ITPRID1: variants seen among roughly 807,000 people sequenced by gnomAD.
The protein encoded by ITPRID1 is ITPR interacting domain containing 1.
A neutral mutation model predicts 95.4 loss-of-function variants in ITPRID1; 96 were observed. That is an observed-to-expected ratio of 1.01 (90% CI 0.85 to 1.19). The LOEUF (loss-of-function observed/expected upper bound fraction) is 1.19, where lower values mean the gene tolerates loss of function less well. ITPRID1 is among the 50% of genes most tolerant of loss of function. The pLI is 0.00. For missense variants in ITPRID1, 1,339 were observed against 1,252.9 expected (o/e 1.07, Z -1.04); for synonymous variants, 510 against 453.6 (o/e 1.12, Z -1.58).
intron 10 of ITPRID1, among the ~76,000 whole-genome samples, chr7:31,633,189 C>T (rs1789173094): frequency 6.6e-6 from 1 of 152,124 alleles, no homozygotes; most frequent in Admixed American, 6.5e-5. Flanking sequence ...CCGGCCAGGT[C>T]TGGGGAGATT....
intron 9 of ITPRID1, 44 bp downstream of exon 9, chr7:31,578,478 T>G (rs369315252): frequency 1.4e-6 from 2 of 1,427,396 alleles, no homozygotes; most frequent in African/African-American, 2.9e-5. Context: ...GGAAATAACC[T>G]TCACTATGAC....
Position 31,654,409 on chromosome 7 carries a change from A to C in ITPRID1, c.*1580A>C, listed in dbSNP as rs531455566. ...CTATAGGCCATGACCAAGTCTTTGCATCTGAATCCTTTTTCCAAGGGTAAT... is the reference window on the plus strand; with the variant it reads ...CTATAGGCCATGACCAAGTCTTTGCCTCTGAATCCTTTTTCCAAGGGTAAT... On this transcript the variant is annotated 3_prime_UTR_variant, in exon 15 of 15. Coordinates refer to ENST00000615280, the MANE Select transcript of ITPRID1 (RefSeq NM_001257967.3). Among the ~76,000 whole-genome samples, 4 of 152,336 alleles carry C rather than the reference A, an allele frequency of 2.6e-5. No homozygotes were observed. The highest frequency in any genetic ancestry group is 6.5e-5 in the Admixed American group (1 of 15,308).
At chr7:31,515,118 C>T (rs1157111661) in intron 1 of ITPRID1, among the ~76,000 whole-genome samples, 1 of 151,854 alleles carries the variant, frequency 6.6e-6, no homozygotes, top group African/African-American at 2.4e-5. Flanking sequence ...CCTAACTCCT[C>T]TAAGGCAAGA....
At chr7:31,556,486 C>T (rs1303915380) in intron 5 of ITPRID1, among the ~76,000 whole-genome samples, 2 of 152,134 alleles carry the variant, frequency 1.3e-5, no homozygotes, top group Non-Finnish European at 2.9e-5. Context: ...TGGTTAGAGG[C>T]AGGTGGAGGA....
intron 1 of ITPRID1, among the ~76,000 whole-genome samples, chr7:31,527,966 GT>G (rs1399996159): frequency 6.6e-6 from 1 of 152,064 alleles, no homozygotes; most frequent in Non-Finnish European, 1.5e-5. Flanking sequence ...ATCACCCATT[GT>G]TTCATGGACC....
chr7:31,657,766 T>C (rs1254264609), downstream of ITPRID1, among the ~76,000 whole-genome samples: 1 of 152,214 alleles, frequency 6.6e-6, no homozygotes, highest in Admixed American at 6.5e-5. Context: ...AATGGTATCA[T>C]TGTACTAAAT....
intron 1 of ITPRID1, among the ~76,000 whole-genome samples, chr7:31,526,865 T>C (rs1783438630): frequency 6.6e-6 from 1 of 152,186 alleles, no homozygotes; most frequent in Non-Finnish European, 1.5e-5. Context: ...TTGCTTCCAT[T>C]CATTCCATTC....
intron 7 of ITPRID1, among the ~76,000 whole-genome samples, chr7:31,572,417 C>T (rs1424011282): frequency 1.3e-5 from 2 of 152,058 alleles, no homozygotes; most frequent in Non-Finnish European, 2.9e-5. Flanking sequence ...TTGGCCAGTT[C>T]ATTTTACAGA....
At chr7:31,517,334 T>C (rs574552796) in intron 1 of ITPRID1, 1 of 152,504 alleles carries the variant, frequency 6.6e-6, no homozygotes, top group African/African-American at 2.4e-5. Context: ...TACAAACCTT[T>C]AGCTAGACGG....
In ITPRID1 at chr7:31,610,127, C is replaced by T. The variant is rs1786800122; in HGVS notation, c.1228+26936C>T. Among the ~76,000 whole-genome samples, 6 of 151,636 alleles carry T rather than the reference C, an allele frequency of 4.0e-5. No individual in the cohort carries two copies. In the South Asian group the frequency reaches 1.2e-3, roughly 31 times the overall value. On this transcript the variant is annotated intron_variant, in intron 10 of 14. Transcript: ENST00000615280. ...ATTTCTAATCTCATTCTGCTGCAGTCAGAAATGTTATTTTGTATGATTTCA... is the reference window on the plus strand; with the variant it reads ...ATTTCTAATCTCATTCTGCTGCAGTTAGAAATGTTATTTTGTATGATTTCA...
At chr7:31,623,780 G>T (rs1466409492) in intron 10 of ITPRID1, among the ~76,000 whole-genome samples, 1 of 151,600 alleles carries the variant, frequency 6.6e-6, no homozygotes, top group Non-Finnish European at 1.5e-5. Flanking sequence ...GGGCAATTAG[G>T]CAGGAGAAGG....
intron 5 of ITPRID1, among the ~76,000 whole-genome samples, chr7:31,569,056 G>C (rs1430623796): frequency 6.6e-6 from 1 of 152,184 alleles, no homozygotes; most frequent in Non-Finnish European, 1.5e-5. Flanking sequence ...CACTAAGTTA[G>C]TGCTAAATAG....
intron 10 of ITPRID1, among the ~76,000 whole-genome samples, chr7:31,631,617 G>A (rs1789005026): frequency 6.6e-6 from 1 of 152,128 alleles, no homozygotes; most frequent in Admixed American, 6.6e-5. Flanking sequence ...AATGATGAAG[G>A]AAGGTTATTT....
chr7:31,597,946 A>G (rs1477738931), intron 10 of ITPRID1, among the ~76,000 whole-genome samples: 1 of 152,210 alleles, frequency 6.6e-6, no homozygotes, highest in African/African-American at 2.4e-5. Context: ...AATGAAATAA[A>G]CAGCTCAGAA....
chr7:31,617,438 C>T (rs964197810), intron 10 of ITPRID1, among the ~76,000 whole-genome samples: 1 of 152,010 alleles, frequency 6.6e-6, no homozygotes, highest in Non-Finnish European at 1.5e-5. Context: ...CAAATCTCCC[C>T]AACAGTTTAA....
intron 10 of ITPRID1, among the ~76,000 whole-genome samples, chr7:31,609,254 A>G (rs1786760706): frequency 6.6e-6 from 1 of 151,764 alleles, no homozygotes; most frequent in African/African-American, 2.4e-5. Context: ...TTTTACATCT[A>G]TATTCACAAG....
chr7:31,529,682 T>C (rs1783531931), intron 1 of ITPRID1: 1 of 1,170,226 alleles, frequency 8.5e-7, no homozygotes, highest in Non-Finnish European at 1.2e-6. Flanking sequence ...GTCATAGTTC[T>C]GCAGTCACAA....
rs560557647 is a variant in ITPRID1 at position 31,651,886 on chromosome 7, T to G, written c.2712-53T>G. On this transcript the variant is annotated intron_variant, in intron 13 of 14. Coordinates refer to ENST00000615280, the MANE Select transcript of ITPRID1 (RefSeq NM_001257967.3). Reference sequence around the variant, plus strand: ...TATATTATGAGGTGACAATGGAAGATTGCACCTGGGAAGGATTGTTAAATT... The same window carrying G: ...TATATTATGAGGTGACAATGGAAGAGTGCACCTGGGAAGGATTGTTAAATT... 1.2e-5 allele frequency: 16 copies of G among 1,294,490 alleles called. No individual in the cohort carries two copies. The African/African-American group carries it at 1.3e-4, about 11-fold the overall frequency. The allele number at this position is 1,294,490 out of a possible 1,614,324, so 80.2% of individuals were successfully genotyped here.
intron 10 of ITPRID1, among the ~76,000 whole-genome samples, chr7:31,622,841 C>A (rs911028901): frequency 6.6e-6 from 1 of 151,972 alleles, no homozygotes. Context: ...AAATGATCAA[C>A]AAAATTGATA....
Sources: allele counts gnomAD v4.1 joint callset (sites outside exome capture counted in the v4.1 genomes callset), GRCh38; gene constraint gnomAD v4.1.1; transcripts MANE v1.5; gene names NCBI Gene and HGNC (gene_info 2026-07-23, HGNC 2026-07-21).